DNAH14: variants seen among roughly 807,000 people sequenced by gnomAD.
DNAH14 encodes dynein axonemal heavy chain 14, also known as axonemal beta dynein heavy chain 14.
DNAH14 carries 478 observed loss-of-function variants against 520.9 expected under a neutral mutation model. The observed-to-expected ratio is 0.92, with a 90% CI of 0.85 to 0.99. The LOEUF (loss-of-function observed/expected upper bound fraction) is 0.99, where lower values mean the gene tolerates loss of function less well. Ranked by LOEUF, DNAH14 falls within the 50% of genes least tolerant of loss-of-function variation. The pLI, the probability that DNAH14 is intolerant of heterozygous loss-of-function variation, is 0.00. For missense variants in DNAH14, 4,831 were observed against 5,234.5 expected (o/e 0.92, Z 2.38); for synonymous variants, 1,581 against 1,757.2 (o/e 0.90, Z 2.51).
At chr1:225,153,089 A>G (rs1364131477) in intron 33 of DNAH14, among the ~76,000 whole-genome samples, 1 of 152,186 alleles carries the variant, frequency 6.6e-6, no homozygotes, top group Non-Finnish European at 1.5e-5. Flanking sequence ...AAAATCAGTC[A>G]AGGTTCTAAG....
At chr1:225,254,544 G>A (rs2092673401) in intron 44 of DNAH14, among the ~76,000 whole-genome samples, 1 of 152,102 alleles carries the variant, frequency 6.6e-6, no homozygotes, top group African/African-American at 2.4e-5. Context: ...ACGTTGGTGT[G>A]AATTGGCTAC....
intron 77 of DNAH14, among the ~76,000 whole-genome samples, chr1:225,370,642 G>A (rs1374677087): frequency 1.3e-5 from 2 of 151,952 alleles, no homozygotes; most frequent in African/African-American, 4.8e-5. Context: ...GGCCTTAAAT[G>A]TCTCCAGTAT....
intron 7 of DNAH14, 186 bp downstream of exon 7, chr1:224,969,060 G>A (rs149102981): frequency 7.6e-5 from 34 of 445,452 alleles, no homozygotes; most frequent in African/African-American, 6.2e-4. Flanking sequence ...AATAATTTTG[G>A]CATTTAAGAA....
At chr1:225,073,988 GAAGTT>G (rs2071892421) in intron 17 of DNAH14, among the ~76,000 whole-genome samples, 1 of 136,212 alleles carries the variant, frequency 7.3e-6, no homozygotes, top group African/African-American at 2.7e-5. Flanking sequence ...GCTGTTTTAG[GAAGTT>G]TTTTTTTTTT....
At chr1:225,268,184 C>G (rs1033224092) in intron 49 of DNAH14, among the ~76,000 whole-genome samples, 2 of 152,070 alleles carry the variant, frequency 1.3e-5, no homozygotes, top group African/African-American at 4.8e-5. Flanking sequence ...GTTTTTAAAT[C>G]AATAAACGTA....
intron 35 of DNAH14, among the ~76,000 whole-genome samples, chr1:225,167,162 C>T (rs983986315): frequency 2.0e-5 from 3 of 152,170 alleles, no homozygotes; most frequent in African/African-American, 7.2e-5. Flanking sequence ...TTGCCTACCT[C>T]CAGTTATTGC....
chr1:225,171,692 C>G (rs572075155), intron 36 of DNAH14, among the ~76,000 whole-genome samples: 1 of 152,292 alleles, frequency 6.6e-6, no homozygotes, highest in East Asian at 1.9e-4. Flanking sequence ...GTCAGAGGTA[C>G]AAGGAGGAGC....
chr1:225,230,006 T>C lies in DNAH14; in HGVS notation c.6440-1067T>C, dbSNP rs899447096. 1.4e-4 allele frequency among the ~76,000 whole-genome samples: 22 copies of C among 152,238 alleles called. No homozygotes were observed. The East Asian group carries it at 2.9e-3, about 20-fold the overall frequency. ...ATCTGCAGAATAAGGGATGCTGAAGTGGGTGATAAAAAATTGATTGAACTT... is the reference window on the plus strand; with the variant it reads ...ATCTGCAGAATAAGGGATGCTGAAGCGGGTGATAAAAAATTGATTGAACTT... On this transcript the variant is annotated intron_variant, in intron 41 of 85. Coordinates refer to ENST00000682510, the MANE Select transcript of DNAH14 (RefSeq NM_001367479.1).
chr1:225,389,526 C>T (rs1416146629), intron 82 of DNAH14, among the ~76,000 whole-genome samples: 1 of 152,254 alleles, frequency 6.6e-6, no homozygotes, highest in Admixed American at 6.5e-5. Context: ...TTACCCAAAT[C>T]TGTTACCTTC....
chr1:225,089,409 A>C (rs12239937), intron 21 of DNAH14, among the ~76,000 whole-genome samples: 10,972 of 141,494 alleles, frequency 0.078, 1,390 homozygotes, highest in African/African-American at 0.27. Flanking sequence ...GTGTCTTTGC[A>C]CTCCAGCCTG....
chr1:225,136,836 G>A (rs886705419), intron 27 of DNAH14, among the ~76,000 whole-genome samples: 1 of 152,058 alleles, frequency 6.6e-6, no homozygotes, highest in Non-Finnish European at 1.5e-5. Flanking sequence ...ATTCTCAGAG[G>A]TTTTGTTCAT....
At chr1:225,318,518 C>A in intron 60 of DNAH14, 65 bp from the exon 61 acceptor site, 2 of 1,401,726 alleles carry the variant, frequency 1.4e-6, no homozygotes, top group South Asian at 1.4e-5. Flanking sequence ...GTTCAGCATA[C>A]AAAAATTTTA....
At chr1:224,987,834 G>A (rs999736718) in intron 8 of DNAH14, among the ~76,000 whole-genome samples, 2 of 152,000 alleles carry the variant, frequency 1.3e-5, no homozygotes, top group Non-Finnish European at 2.9e-5. Context: ...CACTATGTTG[G>A]CCAGGCTGGT....
At chr1:225,363,705 G>A (rs2095520349) in intron 75 of DNAH14, among the ~76,000 whole-genome samples, 1 of 152,136 alleles carries the variant, frequency 6.6e-6, no homozygotes, top group Non-Finnish European at 1.5e-5. Context: ...ATATCAAGTG[G>A]TGCAGTATTT....
intron 40 of DNAH14, among the ~76,000 whole-genome samples, chr1:225,206,626 A>C (rs1354739268): frequency 6.6e-6 from 1 of 152,222 alleles, no homozygotes; most frequent in Non-Finnish European, 1.5e-5. Context: ...AGCTATAATT[A>C]ACCCTATGCT....
intron 41 of DNAH14, among the ~76,000 whole-genome samples, chr1:225,220,478 G>A (rs555104806): frequency 7.2e-5 from 11 of 152,218 alleles, no homozygotes; most frequent in South Asian, 2.1e-4. Flanking sequence ...CAAAATCAAC[G>A]TGCAAAAATC....
In DNAH14 at chr1:225,103,575, G is replaced by A. The variant is rs2075724101; in HGVS notation, c.3867+2691G>A. Among the ~76,000 whole-genome samples, 3 of 152,032 alleles carry A rather than the reference G, an allele frequency of 2.0e-5. No homozygotes were observed. In the South Asian group the frequency reaches 6.2e-4, roughly 32 times the overall value. On this transcript the variant is annotated intron_variant, in intron 23 of 85. Transcript: ENST00000682510. ...TCCTCTTTTATTTCATTGAGCAGTG[G>A]TTTGTAGTTCTCCTTGAAGAGGTCC...
At chr1:225,349,359 A>G (rs1409098862) in intron 71 of DNAH14, among the ~76,000 whole-genome samples, 28 of 152,228 alleles carry the variant, frequency 1.8e-4, no homozygotes, top group Admixed American at 1.8e-3. Context: ...ACAAAGATCA[A>G]TAAAATACCG....
intron 27 of DNAH14, among the ~76,000 whole-genome samples, chr1:225,132,311 A>T (rs959625617): frequency 1.3e-5 from 2 of 152,006 alleles, no homozygotes; most frequent in Non-Finnish European, 2.9e-5. Flanking sequence ...CCCGTCACCT[A>T]GGTATTAAGC....
Sources: allele counts gnomAD v4.1 joint callset (sites outside exome capture counted in the v4.1 genomes callset), GRCh38; gene constraint gnomAD v4.1.1; transcripts MANE v1.5; gene names NCBI Gene and HGNC (gene_info 2026-07-23, HGNC 2026-07-21).